The following AMT variants were observed in gnomAD, a reference collection of about 807,000 sequenced individuals.
AMT encodes the protein aminomethyltransferase.
In AMT, 24 loss-of-function variants were observed where a neutral mutation model predicts 39.5. The ratio of observed to expected loss-of-function variants is 0.61; its 90% CI spans 0.44 to 0.86. AMT has a LOEUF of 0.86. AMT is among the 40% of genes least tolerant of loss of function. The pLI, the probability that AMT is intolerant of heterozygous loss-of-function variation, is 0.00. For synonymous variants in AMT, 210 were observed against 212.1 expected (o/e 0.99, Z 0.09); for missense variants, 501 against 537.0 (o/e 0.93, Z 0.66).
At position 49,417,046 on chromosome 3, in the gene AMT, A is replaced by G; in HGVS notation, c.*494T>C. 3.4e-6 allele frequency: 2 copies of G among 594,200 alleles called. No individual in the cohort carries two copies. The highest frequency in any genetic ancestry group is 6.3e-6 in the Non-Finnish European group (2 of 317,712). The allele number at this position is 594,200 out of a possible 1,614,324, so 36.8% of individuals were successfully genotyped here. On this transcript the variant is annotated 3_prime_UTR_variant, in exon 9 of 9. Coordinates refer to ENST00000273588, the MANE Select transcript of AMT (RefSeq NM_000481.4). ...ACACAGGCATAGCAGCCCTACTGTG[A>G]GTCAGCAATCATTCCTGACTTGCAG...
chr3:49,419,752 C>T lies in AMT; in HGVS notation c.508G>A (p.Val170Met), dbSNP rs767990875. 1.2e-6 allele frequency: 2 copies of T among 1,614,196 alleles called. No individual in the cohort carries two copies. The highest frequency in any genetic ancestry group is 2.2e-5 in the South Asian group (2 of 91,082). The change falls in exon 5 of 9, where the codon GTG becomes ATG. Residue 170 changes from valine to methionine, a missense_variant. Val to Met is a conservative substitution (Grantham distance 21). Transcript: ENST00000273588. ...VRELQNQGRD[V>M]GLEVLDNALL... is the part of the protein sequence containing the mutation. ...GCATTATCCAACACCTCCAGGCCCA[C>T]ATCTCTGCCCTGGTTCTGAAGCTCC... is the stretch of plus-strand genomic sequence containing the variant.
At position 49,419,386 on chromosome 3, in the gene AMT, T is replaced by C. The variant is rs778728514; in HGVS notation, c.570A>G (p.Val190=). 6.2e-7 allele frequency: 1 copy of C among 1,614,034 alleles called. No homozygotes were observed. Among genetic ancestry groups the C allele is most frequent in the South Asian group, 1.1e-5 (1 of 91,058 alleles). Residue 190 remains valine, a synonymous_variant, in exon 6 of 9, where the codon GTA becomes GTG. Transcript: ENST00000273588. ...LALQGPTAAQ[V]LQAGVADDLR... is the part of the protein sequence containing the mutation. The stretch of plus-strand genomic sequence containing the variant: ...GGTCATCTGCCACGCCGGCCTGTAG[T>C]ACCTGGGCTGCAGTGGGGCCTGGGC...
At chr3:49,421,977 A>G in intron 2 of AMT, 127 bp downstream of exon 2, 1 of 1,363,400 alleles carries the variant, frequency 7.3e-7, no homozygotes, top group South Asian at 1.2e-5. Flanking sequence ...TGACACCCCC[A>G]TGACCTCTAG....
chr3:49,418,422 C>G (rs1342115174), intron 7 of AMT: 2 of 228,364 alleles, frequency 8.8e-6, no homozygotes, highest in African/African-American at 4.7e-5. Flanking sequence ...ACCTCATGAT[C>G]CACCCACCTT....
At position 49,419,092 on chromosome 3, in the gene AMT, C is replaced by G. The variant is rs778071927; in HGVS notation, c.756G>C (p.Glu252Asp). Residue 252 changes from glutamate to aspartate, a missense_variant, in exon 7 of 9, where the codon GAG (glutamate) becomes GAC (aspartate). Physicochemically the swap from Glu to Asp is conservative, Grantham distance 45. Transcript: ENST00000273588. ...TGGCTGCCAGCCCTGCCAGCTTCAC[C>G]TCTGGGTTTTTCAGAATAGCTGTTG... is the stretch of plus-strand genomic sequence containing the variant. ...HLATAILKNP[E>D]VKLAGLAARD... 6.2e-7 allele frequency: 1 copy of G among 1,614,094 alleles called. No individual in the cohort carries two copies. The highest frequency in any genetic ancestry group is 1.3e-5 in the African/African-American group (1 of 75,010).
In AMT at chr3:49,417,726, G is replaced by A. The variant is rs1195219221; in HGVS notation, c.1034-8C>T. On this transcript the variant is annotated splice_polypyrimidine_tract_variant and splice_region_variant and intron_variant, in intron 8 of 8. Coordinates refer to ENST00000273588, the MANE Select transcript of AMT (RefSeq NM_000481.4). ...AGCCACTAGTCACAGTACCTGTCAA[G>A]CAAGCATAAGCCACGCATCAGCACC... 3 of 1,613,862 alleles carry A rather than the reference G, an allele frequency of 1.9e-6. No individual in the cohort carries two copies. In the African/African-American group the frequency reaches 4.0e-5, roughly 22 times the overall value.
At position 49,416,967 on chromosome 3, in the gene AMT, A is replaced by C. The variant is rs1432489493; in HGVS notation, c.*573T>G. ...TGCTACTGGGCAGCACACTAGACCA[A>C]CTTGGGAATGTGGAAGAGTGAGTCT... On this transcript the variant is annotated 3_prime_UTR_variant, in exon 9 of 9. Coordinates refer to ENST00000273588, the MANE Select transcript of AMT (RefSeq NM_000481.4). The C allele has an allele frequency of 2.1e-6, 1 of 475,826 alleles. No individual in the cohort carries two copies. The highest frequency in any genetic ancestry group is 4.1e-6 in the Non-Finnish European group (1 of 241,532). The allele number at this position is 475,826 out of a possible 1,614,324, so 29.5% of individuals were successfully genotyped here. A position where few individuals can be genotyped will look rare whatever the true frequency, so the allele number is the denominator to read the frequency against.
At position 49,421,507 on chromosome 3, in the gene AMT, C is replaced by T. The variant is rs1017389648; in HGVS notation, c.324G>A (p.Glu108=). ...MESLVVGDIA[E]LRPNQGTLSL... is the part of the protein sequence containing the mutation. The stretch of plus-strand genomic sequence containing the variant: ...AAGGGCCCACCTGGTTTGGTCTTAG[C>T]TCTGCAATGTCTCCAACCACTAGAC... The change falls in exon 3 of 9, where the codon GAG becomes GAA. Residue 108 remains glutamate, a synonymous_variant. Coordinates refer to ENST00000273588, the MANE Select transcript of AMT (RefSeq NM_000481.4). 6.2e-7 allele frequency: 1 copy of T among 1,614,104 alleles called. No homozygotes were observed. The highest frequency in any genetic ancestry group is 1.1e-5 in the South Asian group (1 of 91,084).
At chr3:49,421,061 C>A (rs1279009027) in intron 3 of AMT, 6 of 275,484 alleles carry the variant, frequency 2.2e-5, no homozygotes, top group Non-Finnish European at 3.6e-5. Context: ...CGCGCCACCA[C>A]GCCCGGCTAA....
At position 49,418,992 on chromosome 3, in the gene AMT, C is replaced by T. The variant is rs778159864; in HGVS notation, c.856G>A (p.Gly286Ser). ...DIDEHTTPVEGSLSWTLGKRR... is the reference protein window; with the variant it reads ...DIDEHTTPVESSLSWTLGKRR... ...TCACCCAGTGTCCAACTGAGGCTGCCCTCCACAGGTGTAGTGTGTTCATCA... is the reference window on the plus strand; with the variant it reads ...TCACCCAGTGTCCAACTGAGGCTGCTCTCCACAGGTGTAGTGTGTTCATCA... Residue 286 changes from glycine to serine, a missense_variant, in exon 7 of 9, where the codon GGC becomes AGC. Physicochemically the swap from Gly to Ser is moderately conservative, Grantham distance 56. Transcript: ENST00000273588. The T allele has an allele frequency of 6.2e-7, 1 of 1,613,958 alleles. No individual in the cohort carries two copies. The highest frequency in any genetic ancestry group is 1.1e-5 in the South Asian group (1 of 91,078).
At chr3:49,420,554 G>A (rs772801419) in intron 3 of AMT, 13 of 630,372 alleles carry the variant, frequency 2.1e-5, no homozygotes, top group Middle Eastern at 4.4e-4. Flanking sequence ...ACCTTGGGGT[G>A]CTTCCCTGAT....
Position 49,417,590 on chromosome 3 carries a change from C to G in AMT, c.1162G>C (p.Val388Leu). The G allele has an allele frequency of 6.2e-7, 1 of 1,614,180 alleles. No homozygotes were observed. The highest frequency in any genetic ancestry group is 8.5e-7 in the Non-Finnish European group (1 of 1,180,038). Residue 388 changes from valine (V) to leucine (L), a missense_variant, in exon 9 of 9, where the codon GTA (valine) becomes CTA (leucine). By Grantham distance (32) the Val-to-Leu change is conservative (BLOSUM62 1). Transcript: ENST00000273588. ...VEVRRKQQMA[V>L]VSKMPFVPTN... is the part of the protein sequence containing the mutation. ...GGCACAAAGGGCATCTTGCTGACTA[C>G]AGCCATCTGCTGCTTCCGCCGCACC...
chr3:49,418,876 G>T, intron 7 of AMT, 95 bp downstream of exon 7: 1 of 1,377,504 alleles, frequency 7.3e-7, no homozygotes, highest in Non-Finnish European at 1.0e-6. Context: ...AAGGCTTCAG[G>T]CTACATAACC....
chr3:49,419,907 A>T (rs369076196), intron 4 of AMT, 119 bp from the exon 5 acceptor site: 2 of 1,028,250 alleles, frequency 1.9e-6, no homozygotes, highest in African/African-American at 3.1e-5. Context: ...GGGAGGAAAA[A>T]AAAAGGTAGT....
chr3:49,419,075 A>G lies in AMT; in HGVS notation c.773T>C (p.Leu258Pro), dbSNP rs1208223561. 6.2e-7 allele frequency: 1 copy of G among 1,614,000 alleles called. No individual in the cohort carries two copies. Among genetic ancestry groups the G allele is most frequent in the Non-Finnish European group, 8.5e-7 (1 of 1,179,986 alleles). Residue 258 changes from leucine (L) to proline (P), a missense_variant, in exon 7 of 9, where the codon CTG becomes CCG. Leu to Pro is a moderately conservative substitution (Grantham distance 98). Coordinates refer to ENST00000273588, the MANE Select transcript of AMT (RefSeq NM_000481.4). ...LKNPEVKLAG[L>P]AARDSLRLEA... ...CAGGCGCAGGCTGTCCCTGGCTGCC[A>G]GCCCTGCCAGCTTCACCTCTGGGTT...
Position 49,417,473 on chromosome 3 carries a change from C to T in AMT, c.*67G>A, listed in dbSNP as rs527674978. The T allele has an allele frequency of 8.1e-6, 13 of 1,614,076 alleles. No homozygotes were observed. In the East Asian group the frequency reaches 1.3e-4, roughly 17 times the overall value. ...TGCCCACCCCCAGTGAGTTCTGCCT[C>T]AGCTTCTTGACTAACCCCTTGTAGG... On this transcript the variant is annotated 3_prime_UTR_variant, in exon 9 of 9. Coordinates refer to ENST00000273588, the MANE Select transcript of AMT (RefSeq NM_000481.4).
chr3:49,418,457 A>AGGTGTGAGCC (rs1553638343), intron 7 of AMT: 1 of 192,196 alleles, frequency 5.2e-6, no homozygotes, highest in East Asian at 1.5e-4. Flanking sequence ...CTGGGATTAC[A>AGGTGTGAGCC]GGTGTGAGCC....
rs1298384661 is a variant in AMT at position 49,416,969 on chromosome 3, T to G, written c.*571A>C. ...CTACTGGGCAGCACACTAGACCAAC[T>G]TGGGAATGTGGAAGAGTGAGTCTAT... On this transcript the variant is annotated 3_prime_UTR_variant, in exon 9 of 9. Coordinates refer to ENST00000273588, the MANE Select transcript of AMT (RefSeq NM_000481.4). The G allele has an allele frequency of 2.1e-5, 10 of 476,260 alleles. No individual in the cohort carries two copies. Among genetic ancestry groups the G allele is most frequent in the Non-Finnish European group, 3.7e-5 (9 of 241,982 alleles). 29.5% of individuals were successfully genotyped at this position (476,260 alleles called of 1,614,324 possible). A position where few individuals can be genotyped will look rare whatever the true frequency, so the allele number is the denominator to read the frequency against.
rs995203162 is a variant in AMT, at chr3:49,419,912, G to C, written c.472-124C>G. ...AGGAGGAGGAGGGAGGAAAAAAAAA[G>C]GTAGTAGGCTGGTTCCCATCTTACA... On this transcript the variant is annotated intron_variant, in intron 4 of 8. Transcript: ENST00000273588. 1.4e-5 allele frequency: 14 copies of C among 984,960 alleles called. No individual in the cohort carries two copies. In the African/African-American group the frequency reaches 1.9e-4, roughly 13 times the overall value. 61.0% of individuals were successfully genotyped at this position (984,960 alleles called of 1,614,324 possible).
Sources: gnomAD v4.1 joint callset for allele counts on GRCh38, gnomAD v4.1.1 for gene constraint, MANE v1.5 for transcripts, NCBI Gene and HGNC (gene_info 2026-07-23, HGNC 2026-07-21) for gene names.